The following PCDHB13 variants were observed in gnomAD, a reference collection of about 807,000 sequenced individuals.
PCDHB13 encodes the protein protocadherin beta 13.
For synonymous variants in PCDHB13, 515 were observed against 450.7 expected (o/e 1.14, Z -1.81); for missense variants, 1,065 against 1,016.7 (o/e 1.05, Z -0.65).
chr5:141,216,310 G>A lies in PCDHB13; in HGVS notation c.2187G>A (p.Glu729=). 2 of 1,614,138 alleles carry A rather than the reference G, an allele frequency of 1.2e-6. No individual in the cohort carries two copies. Among genetic ancestry groups the A allele is most frequent in the Non-Finnish European group, 1.7e-6 (2 of 1,180,024 alleles). The change falls in exon 1 of 1, where the codon GAG becomes GAA. Residue 729 remains glutamate (E), a synonymous_variant. Transcript: ENST00000341948. ...CGGTGGGTCGCTGCTTGGTGCCCGA[G>A]GGCCCCCTTCCAGGGCATCTTGTGG... is the stretch of plus-strand genomic sequence containing the variant. The part of the protein sequence containing the change: ...AASVGRCLVP[E]GPLPGHLVDM...
At position 141,216,814 on chromosome 5, in the gene PCDHB13, A is replaced by G. The variant is rs1754627520; in HGVS notation, c.*294A>G. The stretch of plus-strand genomic sequence containing the variant: ...TATCTTTAGCTGAACTTCACCCACT[A>G]TTATGCTTATGGTAAAATTAAATAG... On this transcript the variant is annotated 3_prime_UTR_variant, in exon 1 of 1. Coordinates refer to ENST00000341948, the MANE Select transcript of PCDHB13 (RefSeq NM_018933.4). 1 of 432,032 alleles carries G rather than the reference A, an allele frequency of 2.3e-6. No homozygotes were observed. The highest frequency in any genetic ancestry group is 2.3e-5 in the South Asian group (1 of 43,174). The allele number at this position is 432,032 out of a possible 1,614,324, so 26.8% of individuals were successfully genotyped here.
Position 141,215,501 on chromosome 5 carries a change from G to C in PCDHB13, c.1378G>C (p.Val460Leu), listed in dbSNP as rs369237497. ...AFTQTSYTLF[V>L]RENNSPALHI... Reference sequence around the variant, plus strand: ...CACCCAAACCTCCTACACCCTGTTCGTCCGCGAGAACAACAGCCCCGCCCT... The same window carrying C: ...CACCCAAACCTCCTACACCCTGTTCCTCCGCGAGAACAACAGCCCCGCCCT... Residue 460 changes from valine (V) to leucine (L), a missense_variant, in exon 1 of 1, where the codon GTC becomes CTC. Val to Leu is a conservative substitution (Grantham distance 32). Coordinates refer to ENST00000341948, the MANE Select transcript of PCDHB13 (RefSeq NM_018933.4). 74 of 1,614,010 alleles carry C rather than the reference G, an allele frequency of 4.6e-5. No individual in the cohort carries two copies. In the Middle Eastern group the frequency reaches 9.9e-4, roughly 22 times the overall value.
chr5:141,216,824 T>C lies in PCDHB13; in HGVS notation c.*304T>C, dbSNP rs782532850. ...TGAACTTCACCCACTATTATGCTTA[T>C]GGTAAAATTAAATAGAGCAATTTGG... On this transcript the variant is annotated 3_prime_UTR_variant, in exon 1 of 1. Transcript: ENST00000341948. 4.2e-5 allele frequency: 17 copies of C among 408,432 alleles called. No homozygotes were observed. The highest frequency in any genetic ancestry group is 1.3e-4 in the Admixed American group (3 of 23,170). The allele number at this position is 408,432 out of a possible 1,614,324, so 25.3% of individuals were successfully genotyped here.
chr5:141,216,068 G>A lies in PCDHB13; in HGVS notation c.1945G>A (p.Glu649Lys). The A allele has an allele frequency of 6.2e-7, 1 of 1,605,986 alleles. No individual in the cohort carries two copies. The highest frequency in any genetic ancestry group is 8.5e-7 in the Non-Finnish European group (1 of 1,179,422). Residue 649 changes from glutamate to lysine, a missense_variant, in exon 1 of 1, where the codon GAG (glutamate) becomes AAG (lysine). Transcript: ENST00000341948. Reference sequence around the variant, plus strand: ...GGTGGTGCTGGTCAAGGACAATGGCGAGCCTCCGCGCTCGGCCACCGCCAC... The same window carrying A: ...GGTGGTGCTGGTCAAGGACAATGGCAAGCCTCCGCGCTCGGCCACCGCCAC... ...RLVVLVKDNG[E>K]PPRSATATLH...
In PCDHB13 at chr5:141,214,316, G is replaced by T. The variant is rs1434809796; in HGVS notation, c.193G>T (p.Val65Phe). 6.9e-7 allele frequency: 1 copy of T among 1,453,458 alleles called. No individual in the cohort carries two copies. Among genetic ancestry groups the T allele is most frequent in the Non-Finnish European group, 9.5e-7 (1 of 1,050,452 alleles). 90.0% of individuals were successfully genotyped at this position (1,453,458 alleles called of 1,614,324 possible). The change falls in exon 1 of 1, where the codon GTT becomes TTT. Residue 65 changes from valine (V) to phenylalanine (F), a missense_variant. Transcript: ENST00000341948. ...GCAGAGGGAATTCTCCAGGCGGGGGGTTAGGGTTGTTTCCAGAGGGAACAA... is the reference window on the plus strand; with the variant it reads ...GCAGAGGGAATTCTCCAGGCGGGGGTTTAGGGTTGTTTCCAGAGGGAACAA... ...LEQREFSRRG[V>F]RVVSRGNKLH...
At position 141,216,258 on chromosome 5, in the gene PCDHB13, G is replaced by A. The variant is rs576971217; in HGVS notation, c.2135G>A (p.Arg712Gln). 1.2e-6 allele frequency: 2 copies of A among 1,613,656 alleles called. No individual in the cohort carries two copies. Among genetic ancestry groups the A allele is most frequent in the East Asian group, 2.2e-5 (1 of 44,876 alleles). Reference sequence around the variant, plus strand: ...TCGGTGCTCCTGTTCGTGGCGGTGCGGCTGTGTAGGAGGAGCAGGGCGGCC... The same window carrying A: ...TCGGTGCTCCTGTTCGTGGCGGTGCAGCTGTGTAGGAGGAGCAGGGCGGCC... ...LFSVLLFVAV[R>Q]LCRRSRAASV... Residue 712 changes from arginine to glutamine, a missense_variant, in exon 1 of 1, where the codon CGG becomes CAG. Transcript: ENST00000341948.
Position 141,215,364 on chromosome 5 carries a change from G to A in PCDHB13, c.1241G>A (p.Arg414Lys), listed in dbSNP as rs1554287882. 1 of 1,614,170 alleles carries A rather than the reference G, an allele frequency of 6.2e-7. No homozygotes were observed. Among genetic ancestry groups the A allele is most frequent in the Non-Finnish European group, 8.5e-7 (1 of 1,180,032 alleles). The change falls in exon 1 of 1, where the codon AGA (arginine) becomes AAA (lysine). Residue 414 changes from arginine (R) to lysine (K), a missense_variant. Physicochemically the swap from Arg to Lys is conservative, Grantham distance 26. Coordinates refer to ENST00000341948, the MANE Select transcript of PCDHB13 (RefSeq NM_018933.4). ...GAGAGACCACTAGACAGAGAAAGCA[G>A]AGCGGAATACAACATCACTATCACT... is the stretch of plus-strand genomic sequence containing the variant. The part of the protein sequence containing the change: ...LTERPLDRES[R>K]AEYNITITVT...
Position 141,216,508 on chromosome 5 carries a change from C to T in PCDHB13, c.2385C>T (p.Phe795=). The T allele has an allele frequency of 1.2e-6, 2 of 1,611,880 alleles. No individual in the cohort carries two copies. The highest frequency in any genetic ancestry group is 1.3e-5 in the African/African-American group (1 of 74,984). Reference sequence around the variant, plus strand: ...CTACCTTCCCCAATAACTTTGGGTTCAATATTCAGTGACCATAGTTGACTT... The same window carrying T: ...CTACCTTCCCCAATAACTTTGGGTTTAATATTCAGTGACCATAGTTGACTT... ...GNSTFPNNFG[F]NIQ Residue 795 remains phenylalanine, a synonymous_variant, in exon 1 of 1, where the codon TTC becomes TTT. Coordinates refer to ENST00000341948, the MANE Select transcript of PCDHB13 (RefSeq NM_018933.4).
rs1554287774 is a variant in PCDHB13 at position 141,215,028 on chromosome 5, T to C, written c.905T>C (p.Ile302Thr). 1.9e-6 allele frequency: 3 copies of C among 1,613,922 alleles called. No homozygotes were observed. The highest frequency in any genetic ancestry group is 1.3e-5 in the African/African-American group (1 of 74,874). ...TFKINPLTGE[I>T]ELKKQLDFEK... ...AAGATCAATCCCTTGACAGGAGAAATTGAACTAAAAAAACAACTCGATTTC... is the reference window on the plus strand; with the variant it reads ...AAGATCAATCCCTTGACAGGAGAAACTGAACTAAAAAAACAACTCGATTTC... The change falls in exon 1 of 1, where the codon ATT becomes ACT. Residue 302 changes from isoleucine (I) to threonine (T), a missense_variant. Transcript: ENST00000341948.
Position 141,218,209 on chromosome 5 carries a change from A to G in PCDHB13, c.*1689A>G, listed in dbSNP as rs1754657150. The G allele has an allele frequency of 6.0e-6, 1 of 165,338 alleles. No homozygotes were observed. The highest frequency in any genetic ancestry group is 1.5e-5 in the Non-Finnish European group (1 of 68,196). The allele number at this position is 165,338 out of a possible 1,614,324, so 10.2% of individuals were successfully genotyped here. On this transcript the variant is annotated 3_prime_UTR_variant, in exon 1 of 1. Transcript: ENST00000341948. Reference sequence around the variant, plus strand: ...AGCAGTCTGCCTGCCTCAGCCTCCCAAAGTGCTATGATTACAGGTATGAGC... The same window carrying G: ...AGCAGTCTGCCTGCCTCAGCCTCCCGAAGTGCTATGATTACAGGTATGAGC...
chr5:141,215,123 G>C lies in PCDHB13; in HGVS notation c.1000G>C (p.Val334Leu), dbSNP rs782354480. The C allele has an allele frequency of 1.9e-6, 3 of 1,614,010 alleles. No individual in the cohort carries two copies. Among genetic ancestry groups the C allele is most frequent in the African/African-American group, 1.3e-5 (1 of 74,904 alleles). ...TGGAACCTTTTCTGGAAAATGCACC[G>C]TTCTGATTCAAGTGATAGATGTGAA... The part of the protein sequence containing the change: ...DAGTFSGKCT[V>L]LIQVIDVNDH... Residue 334 changes from valine to leucine, a missense_variant, in exon 1 of 1, where the codon GTT becomes CTT. Coordinates refer to ENST00000341948, the MANE Select transcript of PCDHB13 (RefSeq NM_018933.4).
chr5:141,214,232 G>A lies in PCDHB13; in HGVS notation c.109G>A (p.Val37Met). 6.2e-7 allele frequency: 1 copy of A among 1,603,354 alleles called. No individual in the cohort carries two copies. The highest frequency in any genetic ancestry group is 8.5e-7 in the Non-Finnish European group (1 of 1,172,650). The change falls in exon 1 of 1, where the codon GTG (valine) becomes ATG (methionine). Residue 37 changes from valine to methionine, a missense_variant. Transcript: ENST00000341948. ...GGCGGAACCTAGAAGCTATTCTGTG[G>A]TGGAGGAAACTGAGGGCAGCTCCTT... ...GAAEPRSYSV[V>M]EETEGSSFVT...
chr5:141,215,174 T>G lies in PCDHB13; in HGVS notation c.1051T>G (p.Ser351Ala). 1.2e-6 allele frequency: 2 copies of G among 1,614,178 alleles called. No homozygotes were observed. Among genetic ancestry groups the G allele is most frequent in the South Asian group, 2.2e-5 (2 of 91,084 alleles). Residue 351 changes from serine to alanine, a missense_variant, in exon 1 of 1, where the codon TCT (serine) becomes GCT (alanine). Ser to Ala is a moderately conservative substitution (Grantham distance 99, BLOSUM62 1). Transcript: ENST00000341948. ...CGACCATGCCCCAGAAGTTACCATG[T>G]CTGCATTTACCAGCCCAATACCTGA... is the stretch of plus-strand genomic sequence containing the variant. ...VNDHAPEVTM[S>A]AFTSPIPENA...
In PCDHB13 at chr5:141,215,787, A is replaced by G. The variant is rs568642398; in HGVS notation, c.1664A>G (p.Asn555Ser). Reference protein sequence around the residue: ...ALVRVVVLDANDNSPFVLYPL... With the variant: ...ALVRVVVLDASDNSPFVLYPL... Reference sequence around the variant, plus strand: ...GTGCGCGTGGTGGTGCTGGACGCCAACGACAACTCGCCCTTCGTGCTGTAC... The same window carrying G: ...GTGCGCGTGGTGGTGCTGGACGCCAGCGACAACTCGCCCTTCGTGCTGTAC... The change falls in exon 1 of 1, where the codon AAC (asparagine) becomes AGC (serine). Residue 555 changes from asparagine to serine, a missense_variant. Asn to Ser is a conservative substitution (Grantham distance 46). Transcript: ENST00000341948. 2.5e-6 allele frequency: 4 copies of G among 1,611,668 alleles called. No individual in the cohort carries two copies. Among genetic ancestry groups the G allele is most frequent in the East Asian group, 4.5e-5 (2 of 44,878 alleles).
In PCDHB13 at chr5:141,215,814, C is replaced by T. The variant is rs782706910; in HGVS notation, c.1691C>T (p.Pro564Leu). Residue 564 changes from proline (P) to leucine (L), a missense_variant, in exon 1 of 1, where the codon CCG becomes CTG. Pro to Leu is a moderately conservative substitution (Grantham distance 98). Transcript: ENST00000341948. ...GACAACTCGCCCTTCGTGCTGTACCCGCTGCAGAACGGCTCCGCGCCCTGC... is the reference window on the plus strand; with the variant it reads ...GACAACTCGCCCTTCGTGCTGTACCTGCTGCAGAACGGCTCCGCGCCCTGC... ...ANDNSPFVLY[P>L]LQNGSAPCTE... The T allele has an allele frequency of 1.9e-6, 3 of 1,611,032 alleles. No homozygotes were observed. The highest frequency in any genetic ancestry group is 2.2e-5 in the South Asian group (2 of 90,968).
rs1554288178 is a variant in PCDHB13, at chr5:141,216,309, A to C, written c.2186A>C (p.Glu729Ala). 5.0e-6 allele frequency: 8 copies of C among 1,613,914 alleles called. No homozygotes were observed. The highest frequency in any genetic ancestry group is 6.8e-6 in the Non-Finnish European group (8 of 1,179,984). ...AASVGRCLVP[E>A]GPLPGHLVDM... ...TCGGTGGGTCGCTGCTTGGTGCCCG[A>C]GGGCCCCCTTCCAGGGCATCTTGTG... The change falls in exon 1 of 1, where the codon GAG becomes GCG. Residue 729 changes from glutamate (E) to alanine (A), a missense_variant. Transcript: ENST00000341948.
chr5:141,215,781 A>T lies in PCDHB13; in HGVS notation c.1658A>T (p.Asp553Val). Residue 553 changes from aspartate to valine, a missense_variant, in exon 1 of 1, where the codon GAC becomes GTC. Physicochemically the swap from Asp to Val is radical, Grantham distance 152. Coordinates refer to ENST00000341948, the MANE Select transcript of PCDHB13 (RefSeq NM_018933.4). ...SEALVRVVVLDANDNSPFVLY... is the reference protein window; with the variant it reads ...SEALVRVVVLVANDNSPFVLY... ...GCGCTGGTGCGCGTGGTGGTGCTGGACGCCAACGACAACTCGCCCTTCGTG... is the reference window on the plus strand; with the variant it reads ...GCGCTGGTGCGCGTGGTGGTGCTGGTCGCCAACGACAACTCGCCCTTCGTG... The T allele has an allele frequency of 6.2e-7, 1 of 1,611,676 alleles. No homozygotes were observed. The highest frequency in any genetic ancestry group is 8.5e-7 in the Non-Finnish European group (1 of 1,179,692).
Position 141,216,469 on chromosome 5 carries a change from A to G in PCDHB13, c.2346A>G (p.Glu782=). 6.2e-7 allele frequency: 1 copy of G among 1,613,934 alleles called. No homozygotes were observed. The highest frequency in any genetic ancestry group is 8.5e-7 in the Non-Finnish European group (1 of 1,179,988). ...TCCCTCCCCAGTGCCCTGGGAAAGA[A>G]ATACAAGGAAATTCTACCTTCCCCA... ...PNFPPQCPGK[E]IQGNSTFPNN... The change falls in exon 1 of 1, where the codon GAA becomes GAG. Residue 782 remains glutamate, a synonymous_variant. Transcript: ENST00000341948.
rs150126829 is a variant in PCDHB13, at chr5:141,215,491, C to T, written c.1368C>T (p.Tyr456=). The change falls in exon 1 of 1, where the codon TAC becomes TAT. Residue 456 remains tyrosine, a synonymous_variant. Transcript: ENST00000341948. ...CTCCCGCCTTCACCCAAACCTCCTACACCCTGTTCGTCCGCGAGAACAACA... is the reference window on the plus strand; with the variant it reads ...CTCCCGCCTTCACCCAAACCTCCTATACCCTGTTCGTCCGCGAGAACAACA... ...DNAPAFTQTS[Y]TLFVRENNSP... is the part of the protein sequence containing the mutation. 1 of 1,614,096 alleles carries T rather than the reference C, an allele frequency of 6.2e-7. No individual in the cohort carries two copies. Among genetic ancestry groups the T allele is most frequent in the Non-Finnish European group, 8.5e-7 (1 of 1,180,056 alleles).
Sources: gnomAD v4.1 joint callset for allele counts on GRCh38, gnomAD v4.1.1 for gene constraint, MANE v1.5 for transcripts, NCBI Gene and HGNC (gene_info 2026-07-23, HGNC 2026-07-21) for gene names.